The following FSTL5 variants were observed in gnomAD, a reference collection of about 807,000 sequenced individuals.
FSTL5 encodes follistatin like 5, also known as follistatin-related protein 5.
In FSTL5, 62 loss-of-function variants were observed where a neutral mutation model predicts 89.1. The ratio of observed to expected loss-of-function variants is 0.70; its 90% confidence interval spans 0.57 to 0.86. FSTL5 has a LOEUF of 0.86. FSTL5 is among the 40% of genes least tolerant of loss of function. FSTL5 has a pLI of 0.00. For missense variants in FSTL5, 1,057 were observed against 1,001.6 expected (o/e 1.06, Z -0.75); for synonymous variants, 383 against 346.2 (o/e 1.11, Z -1.18).
intron 13 of FSTL5, among the ~76,000 whole-genome samples, chr4:161,471,129 A>G (rs1442446137): frequency 6.6e-6 from 1 of 152,220 alleles, no homozygotes; most frequent in Non-Finnish European, 1.5e-5. Context: ...GAAGTGGCAA[A>G]AGTGGGCATC....
intron 3 of FSTL5, among the ~76,000 whole-genome samples, chr4:161,941,316 C>A (rs918970314): frequency 6.6e-6 from 1 of 151,582 alleles, no homozygotes; most frequent in Non-Finnish European, 1.5e-5. Flanking sequence ...TACTTTAAAT[C>A]TAAATGGATT....
At chr4:161,579,608 T>C (rs1733353761) in intron 8 of FSTL5, among the ~76,000 whole-genome samples, 2 of 151,872 alleles carry the variant, frequency 1.3e-5, no homozygotes, top group Admixed American at 1.3e-4. Flanking sequence ...TTGCAGCTAC[T>C]TGGGAGGCTG....
intron 4 of FSTL5, among the ~76,000 whole-genome samples, chr4:161,877,132 C>T (rs1233035044): frequency 1.4e-5 from 2 of 146,656 alleles, no homozygotes; most frequent in South Asian, 2.2e-4. Flanking sequence ...TGCTGTGAGC[C>T]GAGATCGCGC....
chr4:161,665,632 C>A (rs1013281981), intron 6 of FSTL5, among the ~76,000 whole-genome samples: 3 of 151,896 alleles, frequency 2.0e-5, no homozygotes, highest in Middle Eastern at 3.2e-3. Flanking sequence ...AAAGTAGAAA[C>A]AAGAAAGCAG....
chr4:161,572,129 G>A (rs1223112581), intron 8 of FSTL5, among the ~76,000 whole-genome samples: 1 of 151,726 alleles, frequency 6.6e-6, no homozygotes, highest in African/African-American at 2.4e-5. Flanking sequence ...GACCAGCCTG[G>A]ACAATATGGT....
At chr4:162,105,345 T>G (rs1315069917) in intron 2 of FSTL5, among the ~76,000 whole-genome samples, 1 of 152,178 alleles carries the variant, frequency 6.6e-6, no homozygotes, top group African/African-American at 2.4e-5. Context: ...TAACTGAAAC[T>G]TTTACAAACA....
chr4:161,543,272 T>A (rs1731893806), intron 8 of FSTL5, among the ~76,000 whole-genome samples: 1 of 151,910 alleles, frequency 6.6e-6, no homozygotes, highest in Admixed American at 6.6e-5. Flanking sequence ...TTGAAAGAAT[T>A]TAAAGAAGAC....
chr4:162,149,838 C>G (rs926235658), intron 1 of FSTL5, among the ~76,000 whole-genome samples: 3 of 152,082 alleles, frequency 2.0e-5, no homozygotes, highest in African/African-American at 7.2e-5. Context: ...AGTTTCAATA[C>G]TACGTTCAGT....
intron 1 of FSTL5, among the ~76,000 whole-genome samples, chr4:162,135,031 A>G (rs1269523472): frequency 1.3e-5 from 2 of 152,184 alleles, no homozygotes; most frequent in African/African-American, 4.8e-5. Context: ...TTTGATTACT[A>G]CTTTTTAAAA....
chr4:161,718,016 A>G (rs1270195612), intron 6 of FSTL5, among the ~76,000 whole-genome samples: 2 of 152,196 alleles, frequency 1.3e-5, no homozygotes, highest in Non-Finnish European at 2.9e-5. Context: ...TATGTTTATC[A>G]CCTAATATTT....
intron 4 of FSTL5, among the ~76,000 whole-genome samples, chr4:161,869,687 A>C (rs561416147): frequency 6.6e-6 from 1 of 152,200 alleles, no homozygotes; most frequent in Non-Finnish European, 1.5e-5. Flanking sequence ...CTCCAGAACA[A>C]AGAATTCTCT....
chr4:161,595,300 C>T (rs1226347308), intron 7 of FSTL5, among the ~76,000 whole-genome samples: 1 of 150,740 alleles, frequency 6.6e-6, no homozygotes, highest in Non-Finnish European at 1.5e-5. Context: ...AGAACAGACA[C>T]TCTGAATTCA....
chr4:161,486,159 A>T (rs551212352), intron 12 of FSTL5, among the ~76,000 whole-genome samples: 7,663 of 151,378 alleles, frequency 0.051, 644 homozygotes, highest in African/African-American at 0.17. Flanking sequence ...AAAAAAAAAA[A>T]AAAAAAGTAA....
chr4:161,905,930 C>T (rs1733509774), intron 4 of FSTL5, among the ~76,000 whole-genome samples: 1 of 152,116 alleles, frequency 6.6e-6, no homozygotes. Flanking sequence ...ATCAAAACTT[C>T]TAAACTGCCA....
chr4:161,785,746 T>C (rs1002448897), intron 4 of FSTL5, among the ~76,000 whole-genome samples: 3 of 152,200 alleles, frequency 2.0e-5, no homozygotes, highest in Non-Finnish European at 2.9e-5. Context: ...TAGTTAAAGA[T>C]TGAGGTTCAG....
At chr4:161,635,168 C>A (rs978321276) in intron 7 of FSTL5, among the ~76,000 whole-genome samples, 18 of 152,190 alleles carry the variant, frequency 1.2e-4, no homozygotes, top group African/African-American at 4.3e-4. Flanking sequence ...GCAGGCAGAT[C>A]ACAAGGTCAG....
At chr4:161,875,279 T>A (rs1732406750) in intron 4 of FSTL5, among the ~76,000 whole-genome samples, 1 of 152,200 alleles carries the variant, frequency 6.6e-6, no homozygotes, top group African/African-American at 2.4e-5. Context: ...TGAGTTTTTA[T>A]GCAGGGCAAA....
intron 6 of FSTL5, among the ~76,000 whole-genome samples, chr4:161,668,426 T>C (rs762170725): frequency 6.6e-6 from 1 of 152,208 alleles, no homozygotes; most frequent in African/African-American, 2.4e-5. Context: ...CACTGATGAA[T>C]TCTACCAAAC....
At chr4:161,415,708 CAT>C (rs894440524) in intron 15 of FSTL5, among the ~76,000 whole-genome samples, 3 of 144,894 alleles carry the variant, frequency 2.1e-5, no homozygotes, top group African/African-American at 5.1e-5. Flanking sequence ...AGAGAGAGAA[CAT>C]ATATATATAT....
Sources: gnomAD v4.1 joint callset for allele counts (sites outside exome capture counted in the v4.1 genomes callset) on GRCh38, gnomAD v4.1.1 for gene constraint, MANE v1.5 for transcripts, NCBI Gene and HGNC (gene_info 2026-07-23, HGNC 2026-07-21) for gene names.